Variants in ZCCHC17 observed in about 807,000 individuals in gnomAD.
ZCCHC17 encodes zinc finger CCHC-type containing 17, also known as zinc finger CCHC domain-containing protein 17.
Under a neutral mutation model 30.6 loss-of-function variants are expected in ZCCHC17, and 18 were observed. The observed-to-expected ratio is 0.59, with a 90% CI of 0.41 to 0.87. The LOEUF (loss-of-function observed/expected upper bound fraction) is 0.87, where lower values mean the gene tolerates loss of function less well. Ranked by LOEUF, ZCCHC17 falls within the 40% of genes least tolerant of loss-of-function variation. ZCCHC17 has a pLI of 0.00. For missense variants in ZCCHC17, 263 were observed against 284.2 expected (o/e 0.93, Z 0.54); for synonymous variants, 88 against 92.4 (o/e 0.95, Z 0.27).
At chr1:31,344,954 G>T (rs1289848382) in intron 5 of ZCCHC17, among the ~76,000 whole-genome samples, 1 of 151,458 alleles carries the variant, frequency 6.6e-6, no homozygotes, top group African/African-American at 2.4e-5. Flanking sequence ...AATCTTGCAG[G>T]CTTAAGTGAT....
At chr1:31,360,416 A>C (rs1639833065) in intron 7 of ZCCHC17, among the ~76,000 whole-genome samples, 1 of 152,164 alleles carries the variant, frequency 6.6e-6, no homozygotes, top group Non-Finnish European at 1.5e-5. Context: ...TGATCCACCC[A>C]CCTTGGCCTC....
intron 7 of ZCCHC17, among the ~76,000 whole-genome samples, chr1:31,360,335 A>G (rs1463682413): frequency 1.3e-5 from 2 of 152,104 alleles, no homozygotes; most frequent in Non-Finnish European, 2.9e-5. Flanking sequence ...ACGCCCAGCT[A>G]ATTTTGTATT....
chr1:31,348,306 C>T lies in ZCCHC17; in HGVS notation c.419-523C>T, dbSNP rs1321292566. ...GATGGATTTAATGATTTCCAAGGTG[C>T]TTGCCAGACCTGACAGTCTGTAAAT... On this transcript the variant is annotated intron_variant, in intron 6 of 7. Coordinates refer to ENST00000344147, the MANE Select transcript of ZCCHC17 (RefSeq NM_016505.4). Among the ~76,000 whole-genome samples, 4 of 152,168 alleles carry T rather than the reference C, an allele frequency of 2.6e-5. No individual in the cohort carries two copies. In the South Asian group the frequency reaches 6.2e-4, roughly 24 times the overall value.
chr1:31,336,284 G>A (rs911875429), intron 3 of ZCCHC17, among the ~76,000 whole-genome samples: 2 of 152,102 alleles, frequency 1.3e-5, no homozygotes, highest in Non-Finnish European at 2.9e-5. Flanking sequence ...TGTTGCCCAG[G>A]CTAGACTGCA....
At chr1:31,338,194 C>T (rs1400740669) in intron 4 of ZCCHC17, among the ~76,000 whole-genome samples, 4 of 150,206 alleles carry the variant, frequency 2.7e-5, no homozygotes, top group Non-Finnish European at 4.4e-5. Context: ...TGTTACTACC[C>T]AGGCTGGTTC....
intron 5 of ZCCHC17, among the ~76,000 whole-genome samples, chr1:31,342,434 C>G (rs982374949): frequency 6.6e-6 from 1 of 152,178 alleles, no homozygotes. Context: ...CAGTTGTCCC[C>G]GACCTTTTTG....
intron 5 of ZCCHC17, among the ~76,000 whole-genome samples, chr1:31,342,877 A>C (rs1639098385): frequency 6.6e-6 from 1 of 152,348 alleles, no homozygotes; most frequent in East Asian, 1.9e-4. Context: ...AGATCTTGTC[A>C]GACAGCAGGG....
intron 3 of ZCCHC17, among the ~76,000 whole-genome samples, chr1:31,336,752 C>T (rs1638833308): frequency 6.6e-6 from 1 of 151,942 alleles, no homozygotes; most frequent in African/African-American, 2.4e-5. Context: ...GCAGTTTCAG[C>T]CTCCTGGGCT....
intron 5 of ZCCHC17, among the ~76,000 whole-genome samples, chr1:31,343,846 A>ATTTTTTTT (rs71569979): frequency 2.5e-5 from 2 of 80,772 alleles, no homozygotes; most frequent in Admixed American, 1.3e-4. Context: ...TGCCCCACTA[A>ATTTTTTTT]TTTTTTTTTT....
chr1:31,327,663 C>T (rs866434673), intron 3 of ZCCHC17, among the ~76,000 whole-genome samples: 11 of 152,260 alleles, frequency 7.2e-5, no homozygotes, highest in African/African-American at 2.4e-4. Context: ...GTGATCAGAT[C>T]GACTGCTGTT....
intron 7 of ZCCHC17, among the ~76,000 whole-genome samples, chr1:31,351,521 GC>G (rs971320536): frequency 9.9e-5 from 15 of 151,698 alleles, no homozygotes; most frequent in African/African-American, 3.6e-4. Context: ...CTGGAGGATA[GC>G]CCAAGTCCAG....
At chr1:31,344,207 T>C (rs1222063587) in intron 5 of ZCCHC17, among the ~76,000 whole-genome samples, 2 of 152,076 alleles carry the variant, frequency 1.3e-5, no homozygotes, top group Non-Finnish European at 2.9e-5. Flanking sequence ...CCCAGGCTGA[T>C]CTTGAACTCC....
intron 1 of ZCCHC17, among the ~76,000 whole-genome samples, chr1:31,306,594 C>G (rs1646464474): frequency 6.6e-6 from 1 of 152,194 alleles, no homozygotes; most frequent in Non-Finnish European, 1.5e-5. Flanking sequence ...CTGTGAGTAA[C>G]TGCAACTGTG....
chr1:31,318,332 T>C, intron 2 of ZCCHC17: 2 of 1,029,216 alleles, frequency 1.9e-6, no homozygotes, highest in South Asian at 1.5e-5. Flanking sequence ...GGTTGGGGGA[T>C]GGGGTAGGCT....
chr1:31,329,673 G>A (rs1327991266), intron 3 of ZCCHC17, among the ~76,000 whole-genome samples: 2 of 152,198 alleles, frequency 1.3e-5, no homozygotes, highest in African/African-American at 4.8e-5. Context: ...CGGTTAGGCT[G>A]TTTGGATGAG....
chr1:31,303,839 T>C (rs1266938817), intron 1 of ZCCHC17, among the ~76,000 whole-genome samples: 2 of 152,216 alleles, frequency 1.3e-5, no homozygotes, highest in African/African-American at 2.4e-5. Flanking sequence ...ATTGCATTAC[T>C]TCTTTGATCC....
At position 31,307,412 on chromosome 1, in the gene ZCCHC17, CT is replaced by C. The variant is rs1183496022; in HGVS notation, c.-55-2617del. Reference sequence around the variant, plus strand: ...AATGTAAGTTCATTTCTGCTTTAGACTTTTTTTTTTTTTTTGAGATGGAATC... The same window carrying C: ...AATGTAAGTTCATTTCTGCTTTAGACTTTTTTTTTTTTTTGAGATGGAATC... On this transcript the variant is annotated intron_variant, in intron 1 of 7. Transcript: ENST00000344147. 9.7e-3 allele frequency among the ~76,000 whole-genome samples: 1,378 copies of C among 141,436 alleles called. 6 individuals carry two copies. The highest frequency in any genetic ancestry group is 0.012 in the Non-Finnish European group (782 of 64,284). 92.8% of individuals were successfully genotyped at this position (141,436 alleles called of 152,430 possible). A position where few individuals can be genotyped will look rare whatever the true frequency, so the allele number is the denominator to read the frequency against.
intron 5 of ZCCHC17, among the ~76,000 whole-genome samples, chr1:31,343,000 C>T (rs1639102219): frequency 6.6e-6 from 1 of 152,168 alleles, no homozygotes; most frequent in East Asian, 1.9e-4. Context: ...TGGTCAAGTA[C>T]TAGAATGGAA....
At chr1:31,351,802 T>A (rs1639479759) in intron 7 of ZCCHC17, among the ~76,000 whole-genome samples, 1 of 152,150 alleles carries the variant, frequency 6.6e-6, no homozygotes, top group Non-Finnish European at 1.5e-5. Flanking sequence ...CATTGTTGAT[T>A]TCTCACCCTA....
Sources: allele counts gnomAD v4.1 joint callset (sites outside exome capture counted in the v4.1 genomes callset), GRCh38; gene constraint gnomAD v4.1.1; transcripts MANE v1.5; gene names NCBI Gene and HGNC (gene_info 2026-07-23, HGNC 2026-07-21).